NFASC: variants seen among roughly 807,000 people sequenced by gnomAD.
NFASC encodes the protein neurofascin homolog.
In NFASC, 43 loss-of-function variants were observed where a neutral mutation model predicts 147.5. The observed-to-expected ratio is 0.29, with a 90% confidence interval of 0.23 to 0.38. The LOEUF (loss-of-function observed/expected upper bound fraction) is 0.38. Ranked by LOEUF, NFASC falls within the 10% of genes least tolerant of loss-of-function variation. The pLI is 1.00. For synonymous variants in NFASC, 622 were observed against 665.5 expected (o/e 0.93, Z 1.01); for missense variants, 1,320 against 1,689.0 (o/e 0.78, Z 3.83).
rs749844237 is a variant in NFASC, at chr1:204,936,198, C to CTTTTTTT, written c.-90-8023_-90-8022insTTTTTTT. Among the ~76,000 whole-genome samples, 428 of 71,860 alleles carry CTTTTTTT rather than the reference C, an allele frequency of 6.0e-3. 7 individuals carry two copies. Among genetic ancestry groups the CTTTTTTT allele is most frequent in the Middle Eastern group, 9.1e-3 (1 of 110 alleles). The allele number at this position is 71,860 out of a possible 152,430, so 47.1% of individuals were successfully genotyped here. A position where few individuals can be genotyped will look rare whatever the true frequency, so the allele number is the denominator to read the frequency against. ...TAACAGATTCCCTCTCTCTCTCTTT[C>CTTTTTTT]TTTTTCTTTTTTTTTTTTTTTGAGA... On this transcript the variant is annotated intron_variant, in intron 2 of 29. Transcript: ENST00000339876.
chr1:204,935,986 T>C (rs777713818), intron 2 of NFASC, among the ~76,000 whole-genome samples: 3 of 152,108 alleles, frequency 2.0e-5, no homozygotes, highest in Non-Finnish European at 4.4e-5. Context: ...AACAGTCTTT[T>C]CTTCAAATAA....
At position 205,016,553 on chromosome 1, in the gene NFASC, G is replaced by A; in HGVS notation, c.*14G>A. 6.3e-7 allele frequency: 1 copy of A among 1,595,344 alleles called. No homozygotes were observed. Reference sequence around the variant, plus strand: ...TCTCTGGCCTAACGGAGCCCACCCAGGCACAGCCACCACTTTGCAAGTGGG... The same window carrying A: ...TCTCTGGCCTAACGGAGCCCACCCAAGCACAGCCACCACTTTGCAAGTGGG... On this transcript the variant is annotated 3_prime_UTR_variant, in exon 30 of 30. Coordinates refer to ENST00000339876, the MANE Select transcript of NFASC (RefSeq NM_001005388.3). This position sits in a 1 kb window ranked among gnomAD's most constrained non-coding sequence, Gnocchi z 5.1.
At chr1:204,980,340 G>A in intron 19 of NFASC, 30 bp from the exon 20 acceptor site, 2 of 1,595,248 alleles carry the variant, frequency 1.3e-6, no homozygotes, top group Non-Finnish European at 1.7e-6. Context: ...GCACAAATTG[G>A]ACTTGAGCCT....
intron 1 of NFASC, among the ~76,000 whole-genome samples, chr1:204,857,256 C>T (rs2076234387): frequency 6.6e-6 from 1 of 152,222 alleles, no homozygotes; most frequent in Non-Finnish European, 1.5e-5. Context: ...CAGGTGCCAC[C>T]TTTTCCTCAA....
At chr1:204,947,911 C>T (rs1405081129) in intron 3 of NFASC, among the ~76,000 whole-genome samples, 1 of 152,118 alleles carries the variant, frequency 6.6e-6, no homozygotes, top group Non-Finnish European at 1.5e-5. Context: ...CTCACTCATG[C>T]ACACTCACAC....
intron 27 of NFASC, chr1:205,009,304 T>C: frequency 1.6e-6 from 1 of 612,320 alleles, no homozygotes; most frequent in Non-Finnish European, 3.0e-6. Context: ...CTAAAGGACC[T>C]GTTCAACCTT....
intron 1 of NFASC, among the ~76,000 whole-genome samples, chr1:204,886,318 A>T (rs2081304829): frequency 6.6e-6 from 1 of 152,222 alleles, no homozygotes; most frequent in Non-Finnish European, 1.5e-5. Context: ...TTTAAAAAAA[A>T]TTAATTTGCT....
chr1:204,999,046 T>G (rs2095914014), intron 25 of NFASC: 1 of 152,264 alleles, frequency 6.6e-6, no homozygotes, highest in African/African-American at 2.4e-5. Context: ...CCTTACATCT[T>G]GGAAAAAGAT....
Position 205,016,506 on chromosome 1 carries a change from G to T in NFASC, c.3690G>T (p.Thr1230=). ...ETEGNESSEA[T]SPVNAIYSLA ...AGGGCAACGAAAGCTCAGAGGCCACGTCACCTGTCAATGCTATCTACTCTC... is the reference window on the plus strand; with the variant it reads ...AGGGCAACGAAAGCTCAGAGGCCACTTCACCTGTCAATGCTATCTACTCTC... The change falls in exon 30 of 30, where the codon ACG becomes ACT. Residue 1230 remains threonine, a synonymous_variant. Transcript: ENST00000339876. This position sits in a 1 kb window ranked among gnomAD's most constrained non-coding sequence, Gnocchi z 5.1. 1 of 1,614,020 alleles carries T rather than the reference G, an allele frequency of 6.2e-7. No individual in the cohort carries two copies. The highest frequency in any genetic ancestry group is 8.5e-7 in the Non-Finnish European group (1 of 1,179,916).
intron 2 of NFASC, among the ~76,000 whole-genome samples, chr1:204,921,300 C>T (rs1211360798): frequency 1.3e-5 from 2 of 152,222 alleles, no homozygotes; most frequent in African/African-American, 2.4e-5. Context: ...GTTTTACTCT[C>T]AGGCCCTGGT....
chr1:204,996,971 G>A (rs771337937), intron 24 of NFASC, among the ~76,000 whole-genome samples, 199 bp from the exon 25 acceptor site: 8 of 152,108 alleles, frequency 5.3e-5, no homozygotes, highest in Admixed American at 5.2e-4. Context: ...ACACACACAG[G>A]GCTTCATTCT....
intron 1 of NFASC, among the ~76,000 whole-genome samples, chr1:204,918,742 C>A (rs1036373463): frequency 2.0e-5 from 3 of 151,530 alleles, no homozygotes; most frequent in Admixed American, 1.3e-4. Flanking sequence ...CCCACCATGA[C>A]GCCCGGCTAA....
intron 2 of NFASC, among the ~76,000 whole-genome samples, chr1:204,942,396 G>A (rs188007190): frequency 2.0e-5 from 3 of 152,312 alleles, no homozygotes; most frequent in African/African-American, 7.2e-5. Flanking sequence ...ATGCAAGGGA[G>A]AGATGAGCAG....
chr1:204,869,303 A>G (rs761818517), intron 1 of NFASC, among the ~76,000 whole-genome samples: 14 of 152,236 alleles, frequency 9.2e-5, no homozygotes, highest in Non-Finnish European at 1.9e-4. Flanking sequence ...GCGCCATACC[A>G]CAATGAGTAC....
chr1:204,943,715 G>A (rs12737855), intron 2 of NFASC, among the ~76,000 whole-genome samples: 39,246 of 152,118 alleles, frequency 0.26, 5,261 homozygotes, highest in Non-Finnish European at 0.29. Flanking sequence ...TGCCTCTACC[G>A]CAAATATGCT....
At chr1:205,009,961 T>C in intron 28 of NFASC, 1 of 467,344 alleles carries the variant, frequency 2.1e-6, no homozygotes, top group Admixed American at 3.4e-5. Context: ...TGACCTTTCC[T>C]CCCCTTGACT....
intron 1 of NFASC, among the ~76,000 whole-genome samples, chr1:204,845,189 A>T (rs1273855908): frequency 6.6e-6 from 1 of 152,010 alleles, no homozygotes; most frequent in Non-Finnish European, 1.5e-5. Context: ...GGGAGCTGGA[A>T]CTTAAAGTGG....
At chr1:204,955,155 A>G (rs1403528777) in intron 7 of NFASC, among the ~76,000 whole-genome samples, 2 of 152,156 alleles carry the variant, frequency 1.3e-5, no homozygotes. Flanking sequence ...TGTGATCTTG[A>G]GCAAGTGTGA....
chr1:204,957,509 A>G (rs1211620143), intron 7 of NFASC, 147 bp from the exon 8 acceptor site: 3 of 660,798 alleles, frequency 4.5e-6, no homozygotes, highest in Non-Finnish European at 5.3e-6. Context: ...AATAAGCCAT[A>G]CTTCAGAGTT....
Sources: allele counts gnomAD v4.1 joint callset (sites outside exome capture counted in the v4.1 genomes callset), GRCh38; gene constraint gnomAD v4.1.1; non-coding constraint Gnocchi (gnomAD v3.1); transcripts MANE v1.5; gene names NCBI Gene and HGNC (gene_info 2026-07-23, HGNC 2026-07-21).